Variants in DGKB observed in about 807,000 individuals in gnomAD.
DGKB encodes the protein diacylglycerol kinase beta.
In DGKB, 67 loss-of-function variants were observed where a neutral mutation model predicts 114.3. The ratio of observed to expected loss-of-function variants is 0.59; its 90% CI spans 0.48 to 0.72. The LOEUF (loss-of-function observed/expected upper bound fraction) is 0.72, where lower values mean the gene tolerates loss of function less well. DGKB is among the 30% of genes least tolerant of loss of function. The probability of loss-of-function intolerance (pLI) is 0.00; values close to 1 mark genes in which losing one functional copy is unlikely to be tolerated. For synonymous variants in DGKB, 398 were observed against 323.1 expected, an observed-to-expected ratio of 1.23 and a Z score of -2.49; for missense variants, 907 against 975.2, an observed-to-expected ratio of 0.93 and a Z score of 0.93.
intron 1 of DGKB, among the ~76,000 whole-genome samples, chr7:14,927,528 CA>C (rs1013103438): frequency 2.0e-5 from 3 of 150,758 alleles, no homozygotes; most frequent in South Asian, 4.2e-4. Context: ...TAAAACTATA[CA>C]AAAAAAAGCA....
At chr7:14,411,424 C>T (rs768485662) in intron 21 of DGKB, among the ~76,000 whole-genome samples, 59 of 152,142 alleles carry the variant, frequency 3.9e-4, no homozygotes, top group African/African-American at 5.3e-4. Context: ...GGCCCAGATA[C>T]GGGAGTAAAG....
At chr7:14,363,015 C>G (rs1257265609) in intron 21 of DGKB, among the ~76,000 whole-genome samples, 1 of 152,190 alleles carries the variant, frequency 6.6e-6, no homozygotes, top group African/African-American at 2.4e-5. Context: ...ATAAATGCCA[C>G]CTTCCCCCTC....
In DGKB at chr7:14,852,487, C is replaced by CAAAAAAAAACAAACAAACA. The variant is rs1554304221; in HGVS notation, c.-187-11038_-187-11037insTGTTTGTTTGTTTTTTTTT. Among the ~76,000 whole-genome samples the CAAAAAAAAACAAACAAACA allele has an allele frequency of 4.1e-3, 263 of 63,620 alleles. 35 individuals are homozygous for CAAAAAAAAACAAACAAACA. The highest frequency in any genetic ancestry group is 0.017 in the African/African-American group (249 of 14,838). The allele number at this position is 63,620 out of a possible 152,430, so 41.7% of individuals were successfully genotyped here. ...GAGGAATAGCTAAAATAGTGAAAGTCAAAAAAAAAACAGAAATCAAGCATA... is the reference window on the plus strand; with the variant it reads ...GAGGAATAGCTAAAATAGTGAAAGTCAAAAAAAAACAAACAAACAAAAAAAAAAACAGAAATCAAGCATA... On this transcript the variant is annotated intron_variant, in intron 1 of 25. Coordinates refer to ENST00000402815, the MANE Select transcript of DGKB (RefSeq NM_001350709.2).
intron 23 of DGKB, among the ~76,000 whole-genome samples, chr7:14,197,326 T>G (rs899409497): frequency 2.6e-5 from 4 of 152,060 alleles, no homozygotes; most frequent in Non-Finnish European, 5.9e-5. Context: ...ACTGTATTGG[T>G]CTTGCAGCCC....
In DGKB at chr7:14,548,463, C is replaced by T. The variant is rs566302512; in HGVS notation, c.1770+25749G>A. Among the ~76,000 whole-genome samples the T allele has an allele frequency of 2.0e-5, 3 of 152,206 alleles. No individual in the cohort carries two copies. In the South Asian group the frequency reaches 6.2e-4, roughly 32 times the overall value. On this transcript the variant is annotated intron_variant, in intron 20 of 25. Coordinates refer to ENST00000402815, the MANE Select transcript of DGKB (RefSeq NM_001350709.2). ...CTTCCACTAATTATTCAAAAATGGACAGGAGCTAGCCTTGTAACTCCTGAA... is the reference window on the plus strand; with the variant it reads ...CTTCCACTAATTATTCAAAAATGGATAGGAGCTAGCCTTGTAACTCCTGAA...
chr7:14,690,340 A>T (rs1035009161), intron 9 of DGKB, among the ~76,000 whole-genome samples: 1 of 152,200 alleles, frequency 6.6e-6, no homozygotes. Context: ...AACAGAGCTA[A>T]GGTCTGTTAT....
intron 1 of DGKB, among the ~76,000 whole-genome samples, chr7:14,847,280 G>A: frequency 8.2e-6 from 1 of 121,594 alleles, no homozygotes; most frequent in East Asian, 2.3e-4. Context: ...GACAGAGCGA[G>A]ACTCCGTCTC....
chr7:14,602,532 T>A (rs1803738588), intron 17 of DGKB, among the ~76,000 whole-genome samples: 1 of 152,114 alleles, frequency 6.6e-6, no homozygotes, highest in Non-Finnish European at 1.5e-5. Flanking sequence ...CGAATGGGAT[T>A]AGTGAATTTG....
intron 20 of DGKB, among the ~76,000 whole-genome samples, chr7:14,524,378 T>C (rs1442231734): frequency 6.6e-6 from 1 of 152,216 alleles, no homozygotes; most frequent in African/African-American, 2.4e-5. Context: ...GCCAGGCTAC[T>C]GAACTATCCC....
chr7:14,517,681 T>C (rs1490122030), intron 20 of DGKB, among the ~76,000 whole-genome samples: 2 of 151,570 alleles, frequency 1.3e-5, no homozygotes, highest in Non-Finnish European at 2.9e-5. Flanking sequence ...AAAGAAGACA[T>C]ACACACAGCC....
intron 21 of DGKB, among the ~76,000 whole-genome samples, chr7:14,469,230 A>T (rs993785308): frequency 2.0e-5 from 3 of 151,968 alleles, no homozygotes; most frequent in African/African-American, 7.2e-5. Context: ...CCATTTCTTC[A>T]TTTATCTTAG....
At chr7:14,594,611 T>C (rs1802243882) in intron 17 of DGKB, among the ~76,000 whole-genome samples, 1 of 152,112 alleles carries the variant, frequency 6.6e-6, no homozygotes, top group Admixed American at 6.6e-5. Flanking sequence ...ACCCCTAAAA[T>C]GTAGCAGCAC....
At chr7:14,646,317 G>C (rs1812996763) in intron 13 of DGKB, among the ~76,000 whole-genome samples, 1 of 152,046 alleles carries the variant, frequency 6.6e-6, no homozygotes, top group Non-Finnish European at 1.5e-5. Context: ...TTCAGTAAGA[G>C]GATATAACAA....
intron 23 of DGKB, among the ~76,000 whole-genome samples, chr7:14,279,431 G>A (rs1461997701): frequency 6.6e-6 from 1 of 152,296 alleles, no homozygotes; most frequent in Admixed American, 6.5e-5. Context: ...TGGGGGCAGG[G>A]CACAGACAAA....
At chr7:14,380,005 T>G (rs1346285644) in intron 21 of DGKB, among the ~76,000 whole-genome samples, 1 of 152,200 alleles carries the variant, frequency 6.6e-6, no homozygotes, top group East Asian at 1.9e-4. Flanking sequence ...GAATTGGTTT[T>G]GGTAATTGTA....
intron 2 of DGKB, among the ~76,000 whole-genome samples, chr7:14,775,593 A>G (rs913595327): frequency 2.0e-5 from 3 of 151,956 alleles, no homozygotes; most frequent in African/African-American, 7.2e-5. Flanking sequence ...TTTTTGTGAT[A>G]GTGGGTGAGT....
chr7:14,355,156 CCTCT>C (rs1453876246), intron 21 of DGKB, among the ~76,000 whole-genome samples: 2 of 152,064 alleles, frequency 1.3e-5, no homozygotes, highest in African/African-American at 2.4e-5. Flanking sequence ...CCCCTCCCTC[CCTCT>C]CTCTCTTTCT....
intron 23 of DGKB, among the ~76,000 whole-genome samples, chr7:14,216,271 A>G (rs879857238): frequency 1.3e-5 from 2 of 152,198 alleles, no homozygotes; most frequent in Non-Finnish European, 2.9e-5. Context: ...AAATAAAATG[A>G]CACTGGTAAA....
At chr7:14,470,703 T>C (rs1273732876) in intron 21 of DGKB, among the ~76,000 whole-genome samples, 1 of 151,798 alleles carries the variant, frequency 6.6e-6, no homozygotes, top group Non-Finnish European at 1.5e-5. Context: ...CAAAAATATA[T>C]GTAAGATACA....
Sources: gnomAD v4.1 joint callset for allele counts (sites outside exome capture counted in the v4.1 genomes callset) on GRCh38, gnomAD v4.1.1 for gene constraint, MANE v1.5 for transcripts, NCBI Gene and HGNC (gene_info 2026-07-23, HGNC 2026-07-21) for gene names.